The following GLIS1 variants were observed in gnomAD, a reference collection of about 807,000 sequenced individuals.
GLIS1 encodes the protein GLIS family zinc finger 1.
Under a neutral mutation model 63.8 loss-of-function variants are expected in GLIS1, and 24 were observed. The ratio of observed to expected loss-of-function variants is 0.38; its 90% CI spans 0.27 to 0.53. The LOEUF (loss-of-function observed/expected upper bound fraction) is 0.53, where lower values mean the gene tolerates loss of function less well. GLIS1 is among the 20% of genes least tolerant of loss of function. GLIS1 has a pLI of 0.85. For synonymous variants in GLIS1, 450 were observed against 482.5 expected (o/e 0.93, Z 0.88); for missense variants, 1,036 against 1,074.1 (o/e 0.96, Z 0.50).
chr1:53,653,467 C>G (rs904195445), intron 2 of GLIS1, among the ~76,000 whole-genome samples: 1 of 152,160 alleles, frequency 6.6e-6, no homozygotes, highest in Non-Finnish European at 1.5e-5. Context: ...CTATTTCTCT[C>G]TGTCTGCGTT....
Position 53,533,899 on chromosome 1 carries a change from A to G in GLIS1, c.1321-3947T>C, listed in dbSNP as rs140698885. Among the ~76,000 whole-genome samples, 397 of 152,218 alleles carry G rather than the reference A, an allele frequency of 2.6e-3. 7 individuals carry two copies. The highest frequency in any genetic ancestry group is 9.2e-3 in the African/African-American group (380 of 41,468). On this transcript the variant is annotated intron_variant, in intron 4 of 10. Transcript: ENST00000628545. ...GGCCTGGTGCTGTCACAAATGTGGCACCTTATCTTCTTCACTGCCCAGTAG... is the reference window on the plus strand; with the variant it reads ...GGCCTGGTGCTGTCACAAATGTGGCGCCTTATCTTCTTCACTGCCCAGTAG...
intron 7 of GLIS1, among the ~76,000 whole-genome samples, chr1:53,519,987 C>A (rs547250680): frequency 2.0e-4 from 30 of 152,352 alleles, no homozygotes; most frequent in African/African-American, 6.7e-4. Context: ...TCCCCCAGCC[C>A]AGCTCTGCAT....
chr1:53,713,768 AAGAG>A (rs1283657926), intron 2 of GLIS1, among the ~76,000 whole-genome samples: 3 of 152,230 alleles, frequency 2.0e-5, no homozygotes, highest in African/African-American at 7.2e-5. Context: ...ACCTCAAAAC[AAGAG>A]AGAGACAGAG....
At chr1:53,629,021 C>G (rs1645624916) in intron 2 of GLIS1, among the ~76,000 whole-genome samples, 1 of 152,136 alleles carries the variant, frequency 6.6e-6, no homozygotes, top group African/African-American at 2.4e-5. Flanking sequence ...AATCTCACCT[C>G]TCTGATCTGA....
intron 2 of GLIS1, among the ~76,000 whole-genome samples, chr1:53,731,766 TC>T (rs571754142): frequency 5.3e-5 from 8 of 152,182 alleles, no homozygotes; most frequent in Non-Finnish European, 1.2e-4. Context: ...TTAGTTGACC[TC>T]CCTCTTCCCC....
At chr1:53,704,626 G>C (rs866971510) in intron 2 of GLIS1, among the ~76,000 whole-genome samples, 12 of 152,208 alleles carry the variant, frequency 7.9e-5, no homozygotes, top group Admixed American at 5.9e-4. Flanking sequence ...GAGGAGCGTA[G>C]TGCTGTGTGA....
chr1:53,674,171 C>CAAAAA (rs11297748), intron 2 of GLIS1, among the ~76,000 whole-genome samples: 8 of 94,034 alleles, frequency 8.5e-5, no homozygotes, highest in African/African-American at 1.2e-4. Flanking sequence ...GACTCTGTCT[C>CAAAAA]AAAAAAAAAA....
chr1:53,540,350 AC>A (rs560361871), intron 4 of GLIS1, among the ~76,000 whole-genome samples: 119 of 152,164 alleles, frequency 7.8e-4, no homozygotes, highest in African/African-American at 2.7e-3. Context: ...AGTGAATAAA[AC>A]GGTCTCTCCA....
At chr1:53,538,790 G>A (rs1423999802) in intron 4 of GLIS1, among the ~76,000 whole-genome samples, 3 of 152,172 alleles carry the variant, frequency 2.0e-5, no homozygotes, top group Non-Finnish European at 4.4e-5. Context: ...CACACTGACA[G>A]CTCTGGGCTG....
At chr1:53,700,544 C>G (rs952215512) in intron 2 of GLIS1, among the ~76,000 whole-genome samples, 1 of 152,156 alleles carries the variant, frequency 6.6e-6, no homozygotes, top group Non-Finnish European at 1.5e-5. Flanking sequence ...ATGGAGCATG[C>G]GTGAGGGTGG....
At chr1:53,670,943 G>A (rs955507551) in intron 2 of GLIS1, among the ~76,000 whole-genome samples, 2 of 152,194 alleles carry the variant, frequency 1.3e-5, no homozygotes, top group Admixed American at 6.5e-5. Context: ...ATTATATCAG[G>A]GTGTGTGCAG....
Position 53,574,317 on chromosome 1 carries a change from C to T in GLIS1, c.1320+19791G>A, listed in dbSNP as rs1297598990. 2.6e-5 allele frequency among the ~76,000 whole-genome samples: 4 copies of T among 152,206 alleles called. No individual in the cohort carries two copies. The highest frequency in any genetic ancestry group is 4.4e-5 in the Non-Finnish European group (3 of 68,042). On this transcript the variant is annotated intron_variant, in intron 4 of 10. Coordinates refer to ENST00000628545, the MANE Select transcript of GLIS1 (RefSeq NM_001367484.1). The surrounding 1 kb of genome is among the most constrained non-coding windows in gnomAD (Gnocchi z 4.2). ...CACTGCTCTGTCCCAGAATATGCAC[C>T]GCTCTGTACCCAGAACATGCACATG... is the stretch of plus-strand genomic sequence containing the variant.
chr1:53,571,821 G>A (rs948197519), intron 4 of GLIS1, among the ~76,000 whole-genome samples: 6 of 151,666 alleles, frequency 4.0e-5, no homozygotes, highest in Non-Finnish European at 7.4e-5. Flanking sequence ...CTCGTGATCC[G>A]CCCGCCTCAG....
At chr1:53,508,674 C>T (rs1268686895) in intron 10 of GLIS1, among the ~76,000 whole-genome samples, 1 of 152,190 alleles carries the variant, frequency 6.6e-6, no homozygotes, top group South Asian at 2.1e-4. Flanking sequence ...CACCAGGTAC[C>T]TAAGTGGGGA....
intron 2 of GLIS1, among the ~76,000 whole-genome samples, chr1:53,627,347 C>T (rs1370387988): frequency 2.0e-5 from 3 of 152,154 alleles, no homozygotes; most frequent in Admixed American, 1.3e-4. Context: ...TCGTGGGCAC[C>T]GGACCGCTTC....
chr1:53,651,414 T>C (rs1645905829), intron 2 of GLIS1, among the ~76,000 whole-genome samples: 1 of 152,182 alleles, frequency 6.6e-6, no homozygotes, highest in Non-Finnish European at 1.5e-5. Context: ...AACCACAAAA[T>C]TTCCAAGAAC....
chr1:53,709,411 T>TAC (rs57887584), intron 2 of GLIS1, among the ~76,000 whole-genome samples: 308 of 14,852 alleles, frequency 0.021, 6 homozygotes, highest in African/African-American at 0.025. Context: ...CATATATATA[T>TAC]ACACACACAC....
At chr1:53,523,394 T>C (rs912894376) in intron 6 of GLIS1, among the ~76,000 whole-genome samples, 5 of 152,180 alleles carry the variant, frequency 3.3e-5, no homozygotes, top group Non-Finnish European at 5.9e-5. Flanking sequence ...GCTGTCTCCC[T>C]ATCCCAGGGC....
intron 4 of GLIS1, 128 bp downstream of exon 4, chr1:53,593,977 TTCC>T: frequency 8.9e-7 from 1 of 1,117,896 alleles, no homozygotes; most frequent in African/African-American, 1.6e-5. Context: ...CATGGGTCCT[TTCC>T]TCCTCAACCA....
Sources: gnomAD v4.1 joint callset for allele counts (sites outside exome capture counted in the v4.1 genomes callset) on GRCh38, gnomAD v4.1.1 for gene constraint, Gnocchi (gnomAD v3.1) non-coding constraint, MANE v1.5 for transcripts, NCBI Gene and HGNC (gene_info 2026-07-23, HGNC 2026-07-21) for gene names.